The following SNX30 variants were observed in gnomAD, a reference collection of about 807,000 sequenced individuals.
SNX30 encodes sorting nexin-30.
In SNX30, 24 loss-of-function variants were observed where a neutral mutation model predicts 46.4. That is an observed-to-expected ratio of 0.52 (90% CI 0.37 to 0.73). SNX30 has a LOEUF of 0.73. Ranked by LOEUF, SNX30 falls within the 30% of genes least tolerant of loss-of-function variation. SNX30 has a pLI of 0.00. For synonymous variants in SNX30, 189 were observed against 211.5 expected, an observed-to-expected ratio of 0.89 and a Z score of 0.92; for missense variants, 533 against 555.7, an observed-to-expected ratio of 0.96 and a Z score of 0.41.
At chr9:112,844,929 G>A (rs893982084) in intron 6 of SNX30, among the ~76,000 whole-genome samples, 1 of 152,206 alleles carries the variant, frequency 6.6e-6, no homozygotes, top group Non-Finnish European at 1.5e-5. Flanking sequence ...CATTTCCGGT[G>A]CCTTTCCAAA....
At chr9:112,775,542 TTGTGTGTG>T (rs199600863) in intron 1 of SNX30, among the ~76,000 whole-genome samples, 3,052 of 131,356 alleles carry the variant, frequency 0.023, 96 homozygotes, top group African/African-American at 0.072. Flanking sequence ...TATTTTAAAT[TTGTGTGTG>T]TGTGTGTGTG....
chr9:112,758,008 C>A (rs1412718149), intron 1 of SNX30, among the ~76,000 whole-genome samples: 1 of 152,198 alleles, frequency 6.6e-6, no homozygotes, highest in Admixed American at 6.5e-5. Context: ...TGAAACTTTT[C>A]TCTGCTCCTC....
Position 112,870,905 on chromosome 9 carries a change from T to C in SNX30, c.*2062T>C, listed in dbSNP as rs960000871. 1 of 152,172 alleles carries C rather than the reference T, an allele frequency of 6.6e-6. No homozygotes were observed. The highest frequency in any genetic ancestry group is 2.4e-5 in the African/African-American group (1 of 41,422). 9.4% of individuals were successfully genotyped at this position (152,172 alleles called of 1,614,324 possible). ...AATGAATGTTTGGAAAAAACTGGAG[T>C]TACAGGAAAATGAAATCTGACTATC... On this transcript the variant is annotated 3_prime_UTR_variant, in exon 9 of 9. Transcript: ENST00000374232.
At chr9:112,862,314 A>G (rs1352897331) in intron 7 of SNX30, among the ~76,000 whole-genome samples, 8 of 152,172 alleles carry the variant, frequency 5.3e-5, no homozygotes, top group Admixed American at 5.2e-4. Flanking sequence ...TCCTCACAGC[A>G]GAAGTTTCGT....
At chr9:112,789,035 A>G (rs763365877) in intron 1 of SNX30, among the ~76,000 whole-genome samples, 4 of 152,000 alleles carry the variant, frequency 2.6e-5, no homozygotes, top group East Asian at 1.9e-4. Context: ...GGCTCAAGCA[A>G]TCCTCCTGCC....
At chr9:112,852,612 A>G (rs1841047129) in intron 7 of SNX30, among the ~76,000 whole-genome samples, 1 of 152,172 alleles carries the variant, frequency 6.6e-6, no homozygotes. Context: ...TCCCCATTTG[A>G]GAGATGAGCA....
intron 6 of SNX30, among the ~76,000 whole-genome samples, chr9:112,842,010 C>T (rs758562574): frequency 5.3e-5 from 8 of 152,190 alleles, no homozygotes; most frequent in Non-Finnish European, 1.0e-4. Flanking sequence ...GTGGCACGAT[C>T]TTGGCTCACT....
rs1233178392 is a variant in SNX30, at chr9:112,804,763, TTTC to T, written c.157-7_157-5del. On this transcript the variant is annotated splice_polypyrimidine_tract_variant and intron_variant, in intron 1 of 8. Coordinates refer to ENST00000374232, the MANE Select transcript of SNX30 (RefSeq NM_001012994.2). ...TTTTCATTTAATTTTAAGGTGCTCT[TTTC>T]TTCTTTTAGGATCTCATTTTGCCCA... 4 of 1,591,748 alleles carry T rather than the reference TTTC, an allele frequency of 2.5e-6. No individual in the cohort carries two copies. The highest frequency in any genetic ancestry group is 1.4e-5 in the African/African-American group (1 of 73,914).
At chr9:112,770,769 A>G (rs1422383576) in intron 1 of SNX30, among the ~76,000 whole-genome samples, 2 of 152,004 alleles carry the variant, frequency 1.3e-5, no homozygotes, top group African/African-American at 2.4e-5. Flanking sequence ...AGGCCGAGGC[A>G]GGCGGATCAC....
Position 112,838,618 on chromosome 9 carries a change from T to C in SNX30, c.935T>C (p.Leu312Ser), listed in dbSNP as rs1317561689. The change falls in exon 6 of 9, where the codon TTA becomes TCA. Residue 312 changes from leucine (L) to serine (S), a missense_variant. Transcript: ENST00000374232. ...TGCATTGGGAACTGCTCTACAGCCT[T>C]AGAAGAGCTGACAGATGACATGACA... ...SACIGNCSTALEELTDDMTED... is the reference protein window; with the variant it reads ...SACIGNCSTASEELTDDMTED... The C allele has an allele frequency of 6.2e-7, 1 of 1,614,186 alleles. No homozygotes were observed. Among genetic ancestry groups the C allele is most frequent in the Non-Finnish European group, 8.5e-7 (1 of 1,180,016 alleles).
chr9:112,775,117 G>A (rs897700328), intron 1 of SNX30, among the ~76,000 whole-genome samples: 1 of 149,986 alleles, frequency 6.7e-6, no homozygotes, highest in Non-Finnish European at 1.5e-5. Context: ...TGTGATTACA[G>A]GTATGAGCCC....
chr9:112,833,770 A>G (rs906225039), intron 4 of SNX30, among the ~76,000 whole-genome samples: 8 of 152,222 alleles, frequency 5.3e-5, no homozygotes, highest in African/African-American at 1.9e-4. Context: ...GGTAATTCCA[A>G]GAACTCTGAG....
chr9:112,772,445 G>A (rs1172736673), intron 1 of SNX30, among the ~76,000 whole-genome samples: 2 of 152,278 alleles, frequency 1.3e-5, no homozygotes, highest in South Asian at 2.1e-4. Context: ...ATCTCATATA[G>A]TATGATAGGC....
At chr9:112,826,561 C>G (rs1019775254) in intron 3 of SNX30, among the ~76,000 whole-genome samples, 30 of 152,146 alleles carry the variant, frequency 2.0e-4, no homozygotes, top group Admixed American at 9.2e-4. Context: ...AGGTGCACCC[C>G]AATGAACAAA....
chr9:112,755,219 C>G (rs1420523334), intron 1 of SNX30, among the ~76,000 whole-genome samples: 1 of 152,136 alleles, frequency 6.6e-6, no homozygotes, highest in Non-Finnish European at 1.5e-5. Context: ...TTTGGCAGGC[C>G]TTGTTGAGTA....
chr9:112,777,692 C>T (rs1839771751), intron 1 of SNX30, among the ~76,000 whole-genome samples: 1 of 149,194 alleles, frequency 6.7e-6, no homozygotes, highest in Admixed American at 6.7e-5. Flanking sequence ...AAGTGATCCT[C>T]CCGCCTCAAC....
intron 1 of SNX30, among the ~76,000 whole-genome samples, chr9:112,769,600 C>A (rs918859840): frequency 2.0e-5 from 3 of 152,206 alleles, no homozygotes; most frequent in Non-Finnish European, 4.4e-5. Context: ...ATGTACCTTA[C>A]TGGCTGTTCC....
At chr9:112,830,392 T>C (rs1840643242) in intron 3 of SNX30, among the ~76,000 whole-genome samples, 1 of 152,092 alleles carries the variant, frequency 6.6e-6, no homozygotes, top group African/African-American at 2.4e-5. Flanking sequence ...TTTCTTTTTC[T>C]TCTTTTCTTT....
At chr9:112,847,446 CTTT>C (rs34501288) in intron 6 of SNX30, among the ~76,000 whole-genome samples, 73 of 146,364 alleles carry the variant, frequency 5.0e-4, no homozygotes, top group East Asian at 1.8e-3. Flanking sequence ...TACAAGCATT[CTTT>C]TTTTTTTTTT....
Sources: gnomAD v4.1 joint callset for allele counts (sites outside exome capture counted in the v4.1 genomes callset) on GRCh38, gnomAD v4.1.1 for gene constraint, MANE v1.5 for transcripts, NCBI Gene and HGNC (gene_info 2026-07-23, HGNC 2026-07-21) for gene names.